The following CPOX variants were observed in gnomAD, a reference collection of about 807,000 sequenced individuals.
CPOX encodes oxygen-dependent coproporphyrinogen-III oxidase, mitochondrial.
In CPOX, 24 loss-of-function variants were observed where a neutral mutation model predicts 48.9. That is an observed-to-expected ratio of 0.49 (90% CI 0.36 to 0.69). CPOX has a LOEUF of 0.69. CPOX is among the 30% of genes least tolerant of loss of function. The pLI, the probability that CPOX is intolerant of heterozygous loss-of-function variation, is 0.00. For missense variants in CPOX, 549 were observed against 597.3 expected (o/e 0.92, Z 0.84); for synonymous variants, 249 against 234.6 (o/e 1.06, Z -0.56).
chr3:98,587,221 C>A (rs1707381437), intron 4 of CPOX, among the ~76,000 whole-genome samples: 1 of 152,080 alleles, frequency 6.6e-6, no homozygotes, highest in Admixed American at 6.5e-5. Flanking sequence ...ACTTGTTGGC[C>A]TTCTTTATAT....
chr3:98,577,067 C>A (rs1426851940), downstream of CPOX, among the ~76,000 whole-genome samples: 1 of 151,814 alleles, frequency 6.6e-6, no homozygotes, highest in East Asian at 1.9e-4. Context: ...TTAAAATGGG[C>A]ATGGAAGGAT....
chr3:98,587,009 A>G (rs1232689382), intron 4 of CPOX, among the ~76,000 whole-genome samples: 1 of 152,248 alleles, frequency 6.6e-6, no homozygotes, highest in African/African-American at 2.4e-5. Flanking sequence ...TTAAACTTGT[A>G]AAATAGTTTA....
At chr3:98,575,000 A>C (rs1183604534), downstream of CPOX, among the ~76,000 whole-genome samples, 2 of 152,234 alleles carry the variant, frequency 1.3e-5, no homozygotes, top group Admixed American at 6.5e-5. Flanking sequence ...GGTTAGAAGA[A>C]TGTCAAGCAG....
At chr3:98,585,067 G>A (rs1014983164) in intron 5 of CPOX, among the ~76,000 whole-genome samples, 14 of 152,110 alleles carry the variant, frequency 9.2e-5, no homozygotes, top group African/African-American at 1.2e-4. Context: ...AATAACTTCC[G>A]TGAAATCTTT....
At chr3:98,578,431 C>G (rs1707193268), downstream of CPOX, among the ~76,000 whole-genome samples, 1 of 152,044 alleles carries the variant, frequency 6.6e-6, no homozygotes, top group African/African-American at 2.4e-5. Flanking sequence ...TTCCTATATG[C>G]CTATATTTTT....
chr3:98,580,981 T>C (rs1707248448), intron 6 of CPOX, among the ~76,000 whole-genome samples: 2 of 152,194 alleles, frequency 1.3e-5, no homozygotes, highest in Admixed American at 1.3e-4. Flanking sequence ...CTCTTGGGTA[T>C]GCTTTGGCTA....
intron 5 of CPOX, among the ~76,000 whole-genome samples, chr3:98,584,284 G>T (rs919004262): frequency 6.6e-6 from 1 of 152,124 alleles, no homozygotes; most frequent in African/African-American, 2.4e-5. Flanking sequence ...CAGCCACCGG[G>T]TAGCCAAGAT....
chr3:98,584,503 C>T (rs893203647), intron 5 of CPOX, among the ~76,000 whole-genome samples: 1 of 152,154 alleles, frequency 6.6e-6, no homozygotes, highest in Non-Finnish European at 1.5e-5. Context: ...AGGATATACA[C>T]AAATGTTTAT....
rs1367988529 is a variant in CPOX, at chr3:98,588,750, G to A, written c.916C>T (p.Gln306Ter). The A allele has an allele frequency of 1.9e-6, 3 of 1,614,024 alleles. No homozygotes were observed. Among genetic ancestry groups the A allele is most frequent in the African/African-American group, 1.3e-5 (1 of 74,902 alleles). ...FHRTLKEACD[Q>*]HGPDLYPKFK... ...TTGGGGTAGAGATCTGGACCATGCTGGTCACAAGCCTCCTTCAGAGTTCTG... is the reference window on the plus strand; with the variant it reads ...TTGGGGTAGAGATCTGGACCATGCTAGTCACAAGCCTCCTTCAGAGTTCTG... Residue 306 changes from glutamine to a stop codon, truncating the protein, a stop_gained, in exon 4 of 7, where the codon CAG becomes TAG. Coordinates refer to ENST00000647941, the MANE Select transcript of CPOX (RefSeq NM_000097.7). LOFTEE classifies it high-confidence loss of function.
Position 98,593,560 on chromosome 3 carries a change from C to T in CPOX, c.-56G>A, listed in dbSNP as rs184287214. 6.7e-6 allele frequency: 10 copies of T among 1,483,318 alleles called. No homozygotes were observed. The highest frequency in any genetic ancestry group is 4.7e-4 in the Middle Eastern group (2 of 4,276). The allele number at this position is 1,483,318 out of a possible 1,614,324, so 91.9% of individuals were successfully genotyped here. On this transcript the variant is annotated 5_prime_UTR_variant, in exon 1 of 7. Coordinates refer to ENST00000647941, the MANE Select transcript of CPOX (RefSeq NM_000097.7). ...GCGTCCCAGAGCCCTGCGTTTGAGCCCCCCACCCAGACCCCCGGAGTATTG... is the reference window on the plus strand; with the variant it reads ...GCGTCCCAGAGCCCTGCGTTTGAGCTCCCCACCCAGACCCCCGGAGTATTG...
the CPOX span, among the ~76,000 whole-genome samples, chr3:98,570,848 T>C: frequency 6.6e-6 from 1 of 152,228 alleles, no homozygotes; most frequent in Non-Finnish European, 1.5e-5. Flanking sequence ...TCACCTGAAT[T>C]TGGTATTTGT....
At chr3:98,578,288 G>C, downstream of CPOX, 2 of 949,920 alleles carry the variant, frequency 2.1e-6, no homozygotes, top group Non-Finnish European at 2.5e-6. Context: ...CAAATGCACA[G>C]AAAAATTTTA....
chr3:98,581,560 T>G, intron 5 of CPOX, 49 bp from the exon 6 acceptor site: 2 of 1,422,602 alleles, frequency 1.4e-6, no homozygotes, highest in Non-Finnish European at 2.0e-6. Context: ...AATAAAATCT[T>G]AAGACTAACC....
At chr3:98,583,361 A>G (rs1307720546) in intron 5 of CPOX, among the ~76,000 whole-genome samples, 1 of 152,208 alleles carries the variant, frequency 6.6e-6, no homozygotes, top group East Asian at 1.9e-4. Flanking sequence ...CTCTCTGCAG[A>G]TTAACAGCAA....
chr3:98,593,592 C>A lies in CPOX; in HGVS notation c.-88G>T. On this transcript the variant is annotated 5_prime_UTR_variant, in exon 1 of 7. Coordinates refer to ENST00000647941, the MANE Select transcript of CPOX (RefSeq NM_000097.7). ...CCAGACCCCCGGAGTATTGAGCCGG[C>A]GAGCTGCACAGGCGGAAAGAACCTT... 7.4e-7 allele frequency: 1 copy of A among 1,347,830 alleles called. No individual in the cohort carries two copies. The highest frequency in any genetic ancestry group is 2.9e-5 in the East Asian group (1 of 34,368). 83.5% of individuals were successfully genotyped at this position (1,347,830 alleles called of 1,614,324 possible).
At chr3:98,586,531 T>G (rs1199025266) in intron 4 of CPOX, among the ~76,000 whole-genome samples, 1 of 152,160 alleles carries the variant, frequency 6.6e-6, no homozygotes, top group Non-Finnish European at 1.5e-5. Context: ...ATGATATCTT[T>G]TATTATTTCA....
rs1221243247 is a variant in CPOX at position 98,579,963 on chromosome 3, A to G, written c.*720T>C. Reference sequence around the variant, plus strand: ...TTCAGGGATATAAGCTTTCACATTCAAAAGTGCAGAGAATCCCAACATTAA... The same window carrying G: ...TTCAGGGATATAAGCTTTCACATTCGAAAGTGCAGAGAATCCCAACATTAA... On this transcript the variant is annotated 3_prime_UTR_variant, in exon 7 of 7. Coordinates refer to ENST00000647941, the MANE Select transcript of CPOX (RefSeq NM_000097.7). The G allele has an allele frequency of 5.1e-6, 5 of 985,680 alleles. No homozygotes were observed. The highest frequency in any genetic ancestry group is 6.0e-6 in the Non-Finnish European group (5 of 829,858). 61.1% of individuals were successfully genotyped at this position (985,680 alleles called of 1,614,324 possible). A position where few individuals can be genotyped will look rare whatever the true frequency, so the allele number is the denominator to read the frequency against.
At chr3:98,572,763 A>C in the CPOX span, among the ~76,000 whole-genome samples, 2 of 152,316 alleles carry the variant, frequency 1.3e-5, no homozygotes, top group East Asian at 3.9e-4. Flanking sequence ...GTAAGAAGCC[A>C]AGCTTTATGG....
rs368067440 is a variant in CPOX at position 98,593,283 on chromosome 3, C to T, written c.222G>A (p.Val74=). Residue 74 remains valine (V), a synonymous_variant, in exon 1 of 7, where the codon GTG becomes GTA. Coordinates refer to ENST00000647941, the MANE Select transcript of CPOX (RefSeq NM_000097.7). ...HGSTSRGGPW[V]GTGLAAALAG... ...CCAGCGCCGCGGCCAGCCCTGTCCC[C>T]ACCCAGGGGCCGCCTCTCGACGTCG... is the stretch of plus-strand genomic sequence containing the variant. The T allele has an allele frequency of 3.0e-4, 432 of 1,461,154 alleles. 2 individuals are homozygous for T. The African/African-American group carries it at 5.3e-3, about 18-fold the overall frequency. The allele number at this position is 1,461,154 out of a possible 1,614,324, so 90.5% of individuals were successfully genotyped here.
Sources: gnomAD v4.1 joint callset for allele counts (sites outside exome capture counted in the v4.1 genomes callset) on GRCh38, gnomAD v4.1.1 for gene constraint, MANE v1.5 for transcripts, NCBI Gene and HGNC (gene_info 2026-07-23, HGNC 2026-07-21) for gene names.